Variants in GPC5 observed in about 807,000 individuals in gnomAD.
GPC5 encodes glypican-5.
In GPC5, 47 loss-of-function variants were observed where a neutral mutation model predicts 53.9. The observed-to-expected ratio is 0.87, with a 90% CI of 0.69 to 1.11. The LOEUF is 1.11. Ranked by LOEUF, GPC5 falls within the 50% of genes most tolerant of loss-of-function variation. The pLI is 0.00. For synonymous variants in GPC5, 286 were observed against 263.3 expected (o/e 1.09, Z -0.84); for missense variants, 748 against 713.1 (o/e 1.05, Z -0.56).
In GPC5 at chr13:91,693,598, A is replaced by G; in HGVS notation, c.737A>G (p.Lys246Arg). The change falls in exon 3 of 8, where the codon AAA (lysine) becomes AGA (arginine). Residue 246 changes from lysine (K) to arginine (R), a missense_variant. Transcript: ENST00000377067. ...ACCACAGACTATCTGCACTTCTCCA[A>G]AGAGTGCAGCAGAGCCCTCCTGAAG... is the stretch of plus-strand genomic sequence containing the variant. The part of the protein sequence containing the change: ...INTTDYLHFS[K>R]ECSRALLKMQ... The G allele has an allele frequency of 6.2e-7, 1 of 1,614,096 alleles. No individual in the cohort carries two copies. Among genetic ancestry groups the G allele is most frequent in the Non-Finnish European group, 8.5e-7 (1 of 1,180,008 alleles).
At chr13:91,719,370 C>A (rs979750596) in intron 3 of GPC5, among the ~76,000 whole-genome samples, 4 of 152,182 alleles carry the variant, frequency 2.6e-5, no homozygotes, top group African/African-American at 9.7e-5. Flanking sequence ...GCCTTACTTT[C>A]CTGTTTATAC....
intron 6 of GPC5, among the ~76,000 whole-genome samples, chr13:92,083,616 A>G (rs1276490891): frequency 1.3e-5 from 2 of 152,232 alleles, no homozygotes; most frequent in Non-Finnish European, 2.9e-5. Flanking sequence ...TTTTATTACC[A>G]AAATACAAAT....
chr13:92,450,478 G>A lies in GPC5; in HGVS notation c.1561+305489G>A, dbSNP rs573668897. On this transcript the variant is annotated intron_variant, in intron 7 of 7. Coordinates refer to ENST00000377067, the MANE Select transcript of GPC5 (RefSeq NM_004466.6). The stretch of plus-strand genomic sequence containing the variant: ...AGGTCAGGTGTGGAATTTTTCACTT[G>A]TGGCATCATGTTGGTGCTCAAAAAG... Among the ~76,000 whole-genome samples the A allele has an allele frequency of 7.2e-5, 11 of 152,214 alleles. No homozygotes were observed. In the South Asian group the frequency reaches 2.3e-3, roughly 32 times the overall value.
At chr13:92,399,097 C>A (rs1395110449) in intron 7 of GPC5, among the ~76,000 whole-genome samples, 1 of 152,148 alleles carries the variant, frequency 6.6e-6, no homozygotes, top group Non-Finnish European at 1.5e-5. Flanking sequence ...AAGAGCCTAC[C>A]CATTCACATT....
chr13:92,748,940 G>A (rs1401549830), intron 7 of GPC5, among the ~76,000 whole-genome samples: 1 of 152,086 alleles, frequency 6.6e-6, no homozygotes, highest in Non-Finnish European at 1.5e-5. Flanking sequence ...ATGAAATTGT[G>A]AATACCACTT....
rs544176300 is a variant in GPC5, at chr13:91,492,969, C to T, written c.325+44047C>T. On this transcript the variant is annotated intron_variant, in intron 2 of 7. Coordinates refer to ENST00000377067, the MANE Select transcript of GPC5 (RefSeq NM_004466.6). ...CCCAGTGCTTCTCTTGCTACTGTTTCGGTAACAATTCCTTGACCTCATTGA... is the reference window on the plus strand; with the variant it reads ...CCCAGTGCTTCTCTTGCTACTGTTTTGGTAACAATTCCTTGACCTCATTGA... Among the ~76,000 whole-genome samples, 38 of 144,260 alleles carry T rather than the reference C, an allele frequency of 2.6e-4. 3 individuals carry two copies. In the East Asian group the frequency reaches 5.7e-3, roughly 22 times the overall value. The allele number at this position is 144,260 out of a possible 152,430, so 94.6% of individuals were successfully genotyped here. A position where few individuals can be genotyped will look rare whatever the true frequency, so the allele number is the denominator to read the frequency against.
intron 6 of GPC5, among the ~76,000 whole-genome samples, chr13:92,104,905 T>C (rs2041496366): frequency 6.6e-6 from 1 of 152,172 alleles, no homozygotes; most frequent in Non-Finnish European, 1.5e-5. Context: ...ATGTCATAGA[T>C]GACAACCCCA....
intron 6 of GPC5, among the ~76,000 whole-genome samples, chr13:92,011,261 G>A (rs956323063): frequency 3.3e-5 from 5 of 152,004 alleles, no homozygotes; most frequent in African/African-American, 9.7e-5. Flanking sequence ...TTTAATAGAC[G>A]AATTGGTCCA....
chr13:91,415,617 A>G (rs775851042), intron 1 of GPC5, among the ~76,000 whole-genome samples: 1 of 152,010 alleles, frequency 6.6e-6, no homozygotes, highest in African/African-American at 2.4e-5. Context: ...TGTCTGACCA[A>G]TCTGAGTTCA....
chr13:92,389,414 A>AT (rs1566570034), intron 7 of GPC5, among the ~76,000 whole-genome samples: 2 of 152,078 alleles, frequency 1.3e-5, no homozygotes, highest in Non-Finnish European at 2.9e-5. Flanking sequence ...GGAGGCACAC[A>AT]CCTTTCACAC....
At chr13:92,511,587 T>C (rs1880568930) in intron 7 of GPC5, among the ~76,000 whole-genome samples, 1 of 152,222 alleles carries the variant, frequency 6.6e-6, no homozygotes, top group Non-Finnish European at 1.5e-5. Flanking sequence ...ATATGATTTC[T>C]GTGACCATTT....
intron 2 of GPC5, among the ~76,000 whole-genome samples, chr13:91,677,325 G>C (rs2035406782): frequency 6.6e-6 from 1 of 152,104 alleles, no homozygotes; most frequent in Admixed American, 6.6e-5. Context: ...GCTCCACACA[G>C]AAACTAATGT....
rs115155875 is a variant in GPC5 at position 92,556,475 on chromosome 13, G to A, written c.1562-309807G>A. On this transcript the variant is annotated intron_variant, in intron 7 of 7. Coordinates refer to ENST00000377067, the MANE Select transcript of GPC5 (RefSeq NM_004466.6). Reference sequence around the variant, plus strand: ...TTATTTTGGAAAAAGTCTTCGATGAGATATTTATTAATATCCATGATGTGA... The same window carrying A: ...TTATTTTGGAAAAAGTCTTCGATGAAATATTTATTAATATCCATGATGTGA... 4.4e-3 allele frequency among the ~76,000 whole-genome samples: 674 copies of A among 151,642 alleles called. 6 individuals carry two copies. The highest frequency in any genetic ancestry group is 0.015 in the African/African-American group (626 of 41,424).
At chr13:91,802,428 C>T (rs12430256) in intron 5 of GPC5, among the ~76,000 whole-genome samples, 7,394 of 152,216 alleles carry the variant, frequency 0.049, 372 homozygotes, top group East Asian at 0.22. Flanking sequence ...CATAAAGGTA[C>T]TGCAGACCCA....
intron 6 of GPC5, among the ~76,000 whole-genome samples, chr13:91,983,778 T>C (rs959599102): frequency 6.6e-6 from 1 of 152,154 alleles, no homozygotes; most frequent in Admixed American, 6.5e-5. Context: ...GTGACATGGA[T>C]GATCTGAGGG....
intron 5 of GPC5, among the ~76,000 whole-genome samples, chr13:91,834,225 A>G (rs921508370): frequency 2.6e-5 from 4 of 152,274 alleles, no homozygotes; most frequent in African/African-American, 9.6e-5. Flanking sequence ...ATTACAAACC[A>G]CTGCTCAAGG....
chr13:91,445,307 T>C (rs1880712905), intron 1 of GPC5, among the ~76,000 whole-genome samples: 1 of 152,172 alleles, frequency 6.6e-6, no homozygotes, highest in South Asian at 2.1e-4. Flanking sequence ...GACAGTGTCC[T>C]CTTGACTACC....
chr13:92,642,252 T>C, intron 7 of GPC5, among the ~76,000 whole-genome samples: 1 of 152,108 alleles, frequency 6.6e-6, no homozygotes, highest in East Asian at 1.9e-4. Flanking sequence ...GAAATTTTAC[T>C]GAGTAGACTC....
chr13:92,442,699 C>T (rs1161484285), intron 7 of GPC5, among the ~76,000 whole-genome samples: 1 of 152,090 alleles, frequency 6.6e-6, no homozygotes, highest in Non-Finnish European at 1.5e-5. Context: ...AGGAAGCTTA[C>T]AACATTCTGT....
Sources: allele counts gnomAD v4.1 joint callset (sites outside exome capture counted in the v4.1 genomes callset), GRCh38; gene constraint gnomAD v4.1.1; transcripts MANE v1.5; gene names NCBI Gene and HGNC (gene_info 2026-07-23, HGNC 2026-07-21).